The following TRAPPC11 variants were observed in gnomAD, a reference collection of about 807,000 sequenced individuals.
TRAPPC11 encodes foie gras homolog.
TRAPPC11 carries 104 observed loss-of-function variants against 151.2 expected under a neutral mutation model. The ratio of observed to expected loss-of-function variants is 0.69; its 90% CI spans 0.59 to 0.81. The LOEUF is 0.81. TRAPPC11 is among the 30% of genes least tolerant of loss of function. The pLI is 0.00. For missense variants in TRAPPC11, 1,230 were observed against 1,349.6 expected, an observed-to-expected ratio of 0.91 and a Z score of 1.39; for synonymous variants, 456 against 472.3, an observed-to-expected ratio of 0.97 and a Z score of 0.45.
Position 183,693,593 on chromosome 4 carries a change from A to G in TRAPPC11, c.2242A>G (p.Ile748Val), listed in dbSNP as rs368432060. Residue 748 changes from isoleucine (I) to valine (V), a missense_variant, in exon 21 of 30, where the codon ATA becomes GTA. Physicochemically the swap from Ile to Val is conservative, Grantham distance 29 (BLOSUM62 3). Coordinates refer to ENST00000334690, the MANE Select transcript of TRAPPC11 (RefSeq NM_021942.6). ...AGCTAAGGTTTCTTTTCAAAGGATC[A>G]TATCCAGAGTCCCAAACATTTCTGT... ...SIIIQASTMI[I>V]SRVPNISVHL... is the part of the protein sequence containing the mutation. 87 of 1,604,706 alleles carry G rather than the reference A, an allele frequency of 5.4e-5. No individual in the cohort carries two copies. Among genetic ancestry groups the G allele is most frequent in the South Asian group, 9.1e-5 (8 of 88,312 alleles).
chr4:183,699,251 C>A (rs1268428517), intron 25 of TRAPPC11, among the ~76,000 whole-genome samples: 1 of 152,158 alleles, frequency 6.6e-6, no homozygotes, highest in Non-Finnish European at 1.5e-5. Flanking sequence ...AAACCTTCAT[C>A]TTTTTCAACC....
chr4:183,704,879 ACTAG>A, intron 26 of TRAPPC11, 96 bp from the exon 27 acceptor site: 1 of 593,554 alleles, frequency 1.7e-6, no homozygotes, highest in Non-Finnish European at 3.0e-6. Context: ...TTCCTTTGAA[ACTAG>A]CTGGTGAATA....
At chr4:183,711,449 C>T (rs957307722) in intron 29 of TRAPPC11, among the ~76,000 whole-genome samples, 3 of 152,024 alleles carry the variant, frequency 2.0e-5, no homozygotes, top group African/African-American at 7.2e-5. Context: ...TCATTTTTTG[C>T]TCTTGCTTGT....
intron 22 of TRAPPC11, among the ~76,000 whole-genome samples, chr4:183,694,400 C>T (rs1736422888): frequency 6.6e-6 from 1 of 152,152 alleles, no homozygotes; most frequent in Admixed American, 6.5e-5. Context: ...TGATCCCACC[C>T]TTATACTGTG....
chr4:183,675,046 C>T (rs1249314866), intron 6 of TRAPPC11, 118 bp from the exon 7 acceptor site: 2 of 587,270 alleles, frequency 3.4e-6, no homozygotes, highest in South Asian at 4.0e-5. Context: ...GGGAATAATT[C>T]TTGTATTTCA....
At chr4:183,704,794 C>G (rs542059126) in intron 26 of TRAPPC11, among the ~76,000 whole-genome samples, 185 bp from the exon 27 acceptor site, 1 of 151,976 alleles carries the variant, frequency 6.6e-6, no homozygotes, top group Non-Finnish European at 1.5e-5. Context: ...GTCTGGGCAA[C>G]AGAGTGAGAC....
At position 183,694,737 on chromosome 4, in the gene TRAPPC11, G is replaced by T; in HGVS notation, c.2628+14G>T. On this transcript the variant is annotated intron_variant, in intron 23 of 29. Coordinates refer to ENST00000334690, the MANE Select transcript of TRAPPC11 (RefSeq NM_021942.6). ...AAGTGTCACAAGGTATTTTTTTATA[G>T]CTACTTTATAAAGCATCATATGTGG... 1 of 1,601,754 alleles carries T rather than the reference G, an allele frequency of 6.2e-7. No homozygotes were observed. The highest frequency in any genetic ancestry group is 8.5e-7 in the Non-Finnish European group (1 of 1,176,998).
At chr4:183,685,780 T>C (rs1371712584) in intron 17 of TRAPPC11, among the ~76,000 whole-genome samples, 1 of 152,052 alleles carries the variant, frequency 6.6e-6, no homozygotes, top group Non-Finnish European at 1.5e-5. Context: ...TTAAAGATGG[T>C]TTTGAAGCTG....
At chr4:183,670,568 A>T (rs1361626606) in intron 5 of TRAPPC11, among the ~76,000 whole-genome samples, 2 of 152,208 alleles carry the variant, frequency 1.3e-5, no homozygotes, top group Non-Finnish European at 2.9e-5. Flanking sequence ...TAGAGAGAAT[A>T]TGCCAAAAAT....
At chr4:183,677,355 G>A (rs919534348) in intron 7 of TRAPPC11, 103 bp from the exon 8 acceptor site, 7 of 743,842 alleles carry the variant, frequency 9.4e-6, no homozygotes, top group African/African-American at 5.3e-5. Context: ...GAGCTGTTGA[G>A]CACTAAAATG....
intron 1 of TRAPPC11, among the ~76,000 whole-genome samples, chr4:183,661,434 C>G (rs867813040): frequency 2.9e-5 from 4 of 137,028 alleles, no homozygotes; most frequent in South Asian, 2.3e-4. Context: ...TGCAGTGGCG[C>G]GATCTCCGCT....
At chr4:183,711,299 T>C (rs147521222) in intron 29 of TRAPPC11, among the ~76,000 whole-genome samples, 104 of 152,300 alleles carry the variant, frequency 6.8e-4, no homozygotes, top group African/African-American at 1.9e-3. Flanking sequence ...TTTGCTTAGT[T>C]ACACTGCCAC....
In TRAPPC11 at chr4:183,712,659, C is replaced by A; in HGVS notation, c.*15C>A. The stretch of plus-strand genomic sequence containing the variant: ...CTGCTGCATGATGTTCAAGACCGGC[C>A]CTTGGCTGTTGTTACAGAGATGTTG... On this transcript the variant is annotated 3_prime_UTR_variant, in exon 30 of 30. Transcript: ENST00000334690. 1 of 1,613,802 alleles carries A rather than the reference C, an allele frequency of 6.2e-7. No homozygotes were observed. Among genetic ancestry groups the A allele is most frequent in the Non-Finnish European group, 8.5e-7 (1 of 1,179,750 alleles).
At chr4:183,677,808 G>A (rs909224121) in intron 8 of TRAPPC11, among the ~76,000 whole-genome samples, 1 of 152,284 alleles carries the variant, frequency 6.6e-6, no homozygotes. Context: ...TTGTTTTTCA[G>A]TGGGAGCAAG....
chr4:183,691,599 C>T (rs979052092), intron 19 of TRAPPC11, 128 bp downstream of exon 19: 3 of 510,618 alleles, frequency 5.9e-6, no homozygotes, highest in Non-Finnish European at 9.0e-6. Context: ...TAAAGGAAAC[C>T]ATTCATAATA....
At chr4:183,710,345 G>A (rs1006523656) in intron 29 of TRAPPC11, among the ~76,000 whole-genome samples, 1 of 151,596 alleles carries the variant, frequency 6.6e-6, no homozygotes, top group Non-Finnish European at 1.5e-5. Context: ...GGAGTGCAGT[G>A]GCCCGATGTC....
intron 18 of TRAPPC11, among the ~76,000 whole-genome samples, chr4:183,687,981 A>G (rs972226686): frequency 6.6e-6 from 1 of 152,180 alleles, no homozygotes; most frequent in Non-Finnish European, 1.5e-5. Context: ...ATTATATAGT[A>G]TATAGTCAAG....
intron 23 of TRAPPC11, among the ~76,000 whole-genome samples, chr4:183,695,683 A>G (rs183050144): frequency 1.2e-4 from 18 of 152,300 alleles, no homozygotes; most frequent in Non-Finnish European, 2.4e-4. Flanking sequence ...TCAGCCCAGC[A>G]GAGGAGAAGG....
At chr4:183,693,807 C>G in intron 21 of TRAPPC11, 70 bp downstream of exon 21, 1 of 1,597,000 alleles carries the variant, frequency 6.3e-7, no homozygotes, top group Non-Finnish European at 8.5e-7. Flanking sequence ...GATGTCAACT[C>G]TAGGACTTTT....
Sources: allele counts gnomAD v4.1 joint callset (sites outside exome capture counted in the v4.1 genomes callset), GRCh38; gene constraint gnomAD v4.1.1; transcripts MANE v1.5; gene names NCBI Gene and HGNC (gene_info 2026-07-23, HGNC 2026-07-21).